VWA2: variants seen among roughly 807,000 people sequenced by gnomAD.
The protein encoded by VWA2 is von Willebrand factor A domain containing 2.
Under a neutral mutation model 70.4 loss-of-function variants are expected in VWA2, and 73 were observed. The observed-to-expected ratio is 1.04, with a 90% CI of 0.86 to 1.26. The LOEUF is 1.26. VWA2 is among the 50% of genes most tolerant of loss of function. The pLI is 0.00. For missense variants in VWA2, 1,011 were observed against 998.5 expected, an observed-to-expected ratio of 1.01 and a Z score of -0.17; for synonymous variants, 407 against 423.3, an observed-to-expected ratio of 0.96 and a Z score of 0.47.
Position 114,249,211 on chromosome 10 carries a change from T to G in VWA2, c.52+446T>G, listed in dbSNP as rs113281093. Among the ~76,000 whole-genome samples the G allele has an allele frequency of 5.8e-3, 883 of 152,182 alleles. 10 individuals carry two copies. The highest frequency in any genetic ancestry group is 0.02 in the African/African-American group (823 of 41,512). On this transcript the variant is annotated intron_variant, in intron 2 of 13. Coordinates refer to ENST00000392982, the MANE Select transcript of VWA2 (RefSeq NM_001272046.2). ...TCGACAGGCCCCAGTGTGTGTTGTT[T>G]CCATCCCCATGTCCATATGTTCTCA...
At chr10:114,246,567 A>T in intron 1 of VWA2, 1 of 1,155,624 alleles carries the variant, frequency 8.7e-7, no homozygotes, top group East Asian at 2.3e-5. Context: ...ACTGTAACAG[A>T]GGGACCCAGG....
chr10:114,252,817 T>G (rs922370534), intron 2 of VWA2, among the ~76,000 whole-genome samples: 8 of 152,016 alleles, frequency 5.3e-5, no homozygotes, highest in Non-Finnish European at 7.4e-5. Context: ...CAGGCTGGTC[T>G]TGAACTCCTG....
intron 1 of VWA2, among the ~76,000 whole-genome samples, chr10:114,240,736 G>C (rs1329631321): frequency 6.6e-6 from 1 of 152,182 alleles, no homozygotes; most frequent in Non-Finnish European, 1.5e-5. Context: ...CTGGCTTTCA[G>C]CAGGCTGAAG....
intron 1 of VWA2, among the ~76,000 whole-genome samples, chr10:114,241,102 G>A (rs1407874891): frequency 6.6e-6 from 1 of 152,132 alleles, no homozygotes; most frequent in Non-Finnish European, 1.5e-5. Context: ...GCAAAATTGA[G>A]CAGAAGGTAC....
Position 114,286,099 on chromosome 10 carries a change from A to C in VWA2, c.1158A>C (p.Thr386=), listed in dbSNP as rs1375173168. Reference sequence around the variant, plus strand: ...CTCGGGCCCGAGTGGGTGTGGCCACATACAGCAGGGAGCTGCTGGTGGCGG... The same window carrying C: ...CTCGGGCCCGAGTGGGTGTGGCCACCTACAGCAGGGAGCTGCTGGTGGCGG... ...EDSRARVGVA[T]YSRELLVAVP... is the part of the protein sequence containing the mutation. The change falls in exon 11 of 14, where the codon ACA becomes ACC. Residue 386 remains threonine (T), a synonymous_variant. Transcript: ENST00000392982. The C allele has an allele frequency of 8.7e-6, 14 of 1,614,168 alleles. No homozygotes were observed. The highest frequency in any genetic ancestry group is 1.2e-5 in the Non-Finnish European group (14 of 1,180,032).
intron 2 of VWA2, among the ~76,000 whole-genome samples, chr10:114,251,043 G>A (rs148990087): frequency 0.013 from 1,950 of 152,324 alleles, 15 homozygotes; most frequent in South Asian, 0.033. Flanking sequence ...TGGCTGTACC[G>A]CTCAGCTTCT....
chr10:114,276,929 T>G (rs1460473096), intron 6 of VWA2, among the ~76,000 whole-genome samples: 1 of 152,100 alleles, frequency 6.6e-6, no homozygotes, highest in African/African-American at 2.4e-5. Context: ...GCTCCAGGGC[T>G]GGCAGCACTG....
chr10:114,267,463 TTCTC>T (rs746173097), intron 5 of VWA2, among the ~76,000 whole-genome samples: 2 of 146,288 alleles, frequency 1.4e-5, no homozygotes, highest in East Asian at 4.1e-4. Flanking sequence ...GACAGGGTCT[TTCTC>T]TGTCACCCAG....
intron 5 of VWA2, among the ~76,000 whole-genome samples, chr10:114,262,912 C>G (rs1471164895): frequency 6.6e-6 from 1 of 152,200 alleles, no homozygotes. Context: ...TGGCTTCTTA[C>G]AGAGAACAGT....
intron 8 of VWA2, chr10:114,280,636 G>A (rs1176008418): frequency 6.6e-6 from 1 of 152,276 alleles, no homozygotes; most frequent in East Asian, 1.9e-4. Flanking sequence ...GAAGGGCCCA[G>A]GGATCTTTCT....
chr10:114,290,342 G>T lies in VWA2; in HGVS notation c.2225G>T (p.Trp742Leu). 6.4e-7 allele frequency: 1 copy of T among 1,550,550 alleles called. No individual in the cohort carries two copies. The highest frequency in any genetic ancestry group is 8.7e-7 in the Non-Finnish European group (1 of 1,146,956). The change falls in exon 13 of 14, where the codon TGG becomes TTG. Residue 742 changes from tryptophan to leucine, a missense_variant. Transcript: ENST00000392982. ...TACCGCTGCAAGTGTCGGGATGGCT[G>T]GGAGGGCCCCCACTGCGAGAACCGT... is the stretch of plus-strand genomic sequence containing the variant. ...GSYRCKCRDG[W>L]EGPHCENRFL...
Position 114,286,327 on chromosome 10 carries a change from G to C in VWA2, c.1386G>C (p.Ala462=). 6.2e-7 allele frequency: 1 copy of C among 1,612,746 alleles called. No individual in the cohort carries two copies. ...AGTCACACTCCGAGGATGAGGTTGC[G>C]GGCCCAGCGCGTCACGCAAGGGCGC... is the stretch of plus-strand genomic sequence containing the variant. The part of the protein sequence containing the change: ...LTESHSEDEV[A]GPARHARARE... The change falls in exon 11 of 14, where the codon GCG becomes GCC. Residue 462 remains alanine, a synonymous_variant. Coordinates refer to ENST00000392982, the MANE Select transcript of VWA2 (RefSeq NM_001272046.2).
At chr10:114,263,998 C>A (rs756771849) in intron 5 of VWA2, among the ~76,000 whole-genome samples, 1 of 152,188 alleles carries the variant, frequency 6.6e-6, no homozygotes, top group Admixed American at 6.5e-5. Flanking sequence ...CAGAGACTGA[C>A]AAAAACAAGT....
intron 1 of VWA2, among the ~76,000 whole-genome samples, chr10:114,241,209 G>A (rs1018095992): frequency 2.0e-5 from 3 of 152,138 alleles, no homozygotes; most frequent in Non-Finnish European, 2.9e-5. Flanking sequence ...CTGATGAACC[G>A]ACACTGGCAC....
chr10:114,256,133 C>T (rs1403980708), intron 4 of VWA2, among the ~76,000 whole-genome samples: 1 of 152,174 alleles, frequency 6.6e-6, no homozygotes, highest in East Asian at 1.9e-4. Context: ...GTACACATGC[C>T]CATGCAAAAT....
In VWA2 at chr10:114,290,246, A is replaced by G; in HGVS notation, c.2129A>G (p.Lys710Arg). Residue 710 changes from lysine (K) to arginine (R), a missense_variant, in exon 13 of 14, where the codon AAG becomes AGG. Lys to Arg is a conservative substitution (Grantham distance 26). Transcript: ENST00000392982. ...ATGGTGTTCTCCATTGTAGAAGCCA[A>G]GCAGCCAGTCAACCTCTGCAAACCC... Reference protein sequence around the residue: ...VLIEWLCGEAKQPVNLCKPSP... With the variant: ...VLIEWLCGEARQPVNLCKPSP... The G allele has an allele frequency of 6.4e-7, 1 of 1,550,458 alleles. No homozygotes were observed. The highest frequency in any genetic ancestry group is 8.7e-7 in the Non-Finnish European group (1 of 1,146,918).
chr10:114,284,405 A>G (rs902007782), intron 9 of VWA2, among the ~76,000 whole-genome samples: 1 of 152,198 alleles, frequency 6.6e-6, no homozygotes, highest in African/African-American at 2.4e-5. Context: ...TGCCGGAGGA[A>G]GTGGAAGAGG....
chr10:114,251,118 G>T (rs1589740743), intron 2 of VWA2, among the ~76,000 whole-genome samples: 1 of 152,272 alleles, frequency 6.6e-6, no homozygotes, highest in African/African-American at 2.4e-5. Context: ...TAAAGTGAAA[G>T]AATTTGACTA....
At chr10:114,260,549 G>A (rs1327459900) in intron 4 of VWA2, among the ~76,000 whole-genome samples, 1 of 152,144 alleles carries the variant, frequency 6.6e-6, no homozygotes, top group Non-Finnish European at 1.5e-5. Context: ...TATCAGTGAT[G>A]GTGGCTATGG....
Sources: gnomAD v4.1 joint callset for allele counts (sites outside exome capture counted in the v4.1 genomes callset) on GRCh38, gnomAD v4.1.1 for gene constraint, MANE v1.5 for transcripts, NCBI Gene and HGNC (gene_info 2026-07-23, HGNC 2026-07-21) for gene names.